BLTP3A: variants seen among roughly 807,000 people sequenced by gnomAD.
BLTP3A encodes ICBP90 binding protein 1.
the BLTP3A span, chr6:34,821,566 T>A: frequency 3.8e-6 from 5 of 1,303,000 alleles, no homozygotes; most frequent in Non-Finnish European, 5.2e-6. Flanking sequence ...ATTTTTTCTT[T>A]TCTCTAGATT....
chr6:34,822,586 G>A, the BLTP3A span, among the ~76,000 whole-genome samples: 4 of 152,056 alleles, frequency 2.6e-5, no homozygotes, highest in South Asian at 4.1e-4. Context: ...GGTTTGGGCC[G>A]GGTGCGGTGC....
At chr6:34,858,438 G>A in the BLTP3A span, 2 of 1,614,056 alleles carry the variant, frequency 1.2e-6, no homozygotes, top group South Asian at 2.2e-5. Context: ...GGGATCTCTG[G>A]TCTGTCCACT....
At chr6:34,793,382 C>T in the BLTP3A span, among the ~76,000 whole-genome samples, 1 of 152,158 alleles carries the variant, frequency 6.6e-6, no homozygotes, top group South Asian at 2.1e-4. Flanking sequence ...CAGTGGTTTT[C>T]AGGAGGTAGG....
chr6:34,822,793 GT>G, the BLTP3A span, among the ~76,000 whole-genome samples: 4 of 151,772 alleles, frequency 2.6e-5, no homozygotes, highest in Admixed American at 2.6e-4. Context: ...GGAGGCAGAG[GT>G]TGCAGTGAGC....
At chr6:34,866,899 G>A in the BLTP3A span, among the ~76,000 whole-genome samples, 2 of 152,040 alleles carry the variant, frequency 1.3e-5, no homozygotes, top group Non-Finnish European at 2.9e-5. Flanking sequence ...ATTTTGTAGC[G>A]TGTGTCAGAA....
the BLTP3A span, chr6:34,856,107 T>G: frequency 7.8e-7 from 1 of 1,278,520 alleles, no homozygotes; most frequent in East Asian, 2.4e-5. Flanking sequence ...GGATAATTTT[T>G]CCTTATCCTA....
chr6:34,849,181 T>G, the BLTP3A span, among the ~76,000 whole-genome samples: 2 of 151,938 alleles, frequency 1.3e-5, no homozygotes, highest in Non-Finnish European at 2.9e-5. Context: ...GTATTTTCAG[T>G]AGAGACGGGG....
At chr6:34,872,231 T>C in the BLTP3A span, 1 of 1,488,514 alleles carries the variant, frequency 6.7e-7, no homozygotes, top group Non-Finnish European at 9.0e-7. Context: ...CTCCTTGAAC[T>C]CTTCCTCCCT....
At chr6:34,858,925 G>A in the BLTP3A span, 1 of 1,614,192 alleles carries the variant, frequency 6.2e-7, no homozygotes, top group Admixed American at 1.7e-5. Flanking sequence ...TAAGGATACA[G>A]AGTCAATGAC....
chr6:34,868,096 C>T, the BLTP3A span, among the ~76,000 whole-genome samples: 2 of 150,614 alleles, frequency 1.3e-5, no homozygotes, highest in East Asian at 2.0e-4. Flanking sequence ...CACCTGAGGT[C>T]AGGAGTTCGA....
the BLTP3A span, among the ~76,000 whole-genome samples, chr6:34,819,254 C>T: frequency 6.6e-6 from 1 of 151,208 alleles, no homozygotes; most frequent in African/African-American, 2.4e-5. Flanking sequence ...GCTGCACCCA[C>T]TAACTCGTCA....
the BLTP3A span, among the ~76,000 whole-genome samples, chr6:34,839,870 C>T: frequency 2.0e-5 from 3 of 152,252 alleles, no homozygotes; most frequent in Admixed American, 6.5e-5. Flanking sequence ...GCCAGTCTCC[C>T]TTACAGGGGT....
the BLTP3A span, chr6:34,867,750 G>T: frequency 8.3e-7 from 1 of 1,208,358 alleles, no homozygotes; most frequent in Middle Eastern, 2.9e-4. Flanking sequence ...CCATTAGGGG[G>T]AGGAAAAACT....
the BLTP3A span, chr6:34,855,987 A>G: frequency 1.1e-6 from 1 of 927,918 alleles, no homozygotes; most frequent in Non-Finnish European, 1.3e-6. Flanking sequence ...CTAGTGTTAG[A>G]GCCTCTCCAG....
At chr6:34,799,953 T>C in the BLTP3A span, among the ~76,000 whole-genome samples, 5 of 152,160 alleles carry the variant, frequency 3.3e-5, no homozygotes, top group Admixed American at 6.5e-5. Flanking sequence ...TTTCCAGATG[T>C]CTAATTCTTT....
At chr6:34,822,518 C>T in the BLTP3A span, among the ~76,000 whole-genome samples, 1 of 152,074 alleles carries the variant, frequency 6.6e-6, no homozygotes, top group Non-Finnish European at 1.5e-5. Flanking sequence ...GGGTTACGGG[C>T]GTGAGCCACC....
the BLTP3A span, chr6:34,859,091 A>T: frequency 6.2e-7 from 1 of 1,614,202 alleles, no homozygotes; most frequent in Non-Finnish European, 8.5e-7. Flanking sequence ...TCTCCTTCAG[A>T]GGATCGGGAA....
chr6:34,841,885 A>G, the BLTP3A span, among the ~76,000 whole-genome samples: 10 of 152,198 alleles, frequency 6.6e-5, no homozygotes, highest in African/African-American at 2.4e-4. Flanking sequence ...AGTACCACCT[A>G]CTTTTTAACT....
the BLTP3A span, chr6:34,867,368 AT>A: frequency 6.2e-7 from 1 of 1,614,058 alleles, no homozygotes; most frequent in Non-Finnish European, 8.5e-7. Flanking sequence ...AGAAGACCTC[AT>A]CTTTCACCCG....
Sources: gnomAD v4.1 joint callset for allele counts (sites outside exome capture counted in the v4.1 genomes callset) on GRCh38, gnomAD v4.1.1 for gene constraint, MANE v1.5 for transcripts, NCBI Gene and HGNC (gene_info 2026-07-23, HGNC 2026-07-21) for gene names.